Variants in WWOX observed in about 807,000 individuals in gnomAD.
WWOX encodes the protein WW domain-containing oxidoreductase.
WWOX carries 69 observed loss-of-function variants against 46.2 expected under a neutral mutation model. The observed-to-expected ratio is 1.49, with a 90% CI of 1.23 to 1.82. The LOEUF is 1.82. Among genes scored for constraint, WWOX ranks in the 40% most tolerant of loss-of-function variants. WWOX has a pLI of 0.00. For synonymous variants in WWOX, 359 were observed against 202.6 expected (o/e 1.77, Z -6.56); for missense variants, 919 against 542.6 (o/e 1.69, Z -6.89).
chr16:78,628,130 G>A lies in WWOX; in HGVS notation c.1056+195378G>A, dbSNP rs188001048. 5.2e-3 allele frequency among the ~76,000 whole-genome samples: 794 copies of A among 152,298 alleles called. 2 individuals carry two copies. Among genetic ancestry groups the A allele is most frequent in the Non-Finnish European group, 6.2e-3 (419 of 68,034 alleles). On this transcript the variant is annotated intron_variant, in intron 8 of 8. Coordinates refer to ENST00000566780, the MANE Select transcript of WWOX (RefSeq NM_016373.4). ...CAGTGGAATGAACCTTCACACCGAGGATCTGCTTCCTTTGTTGGAGGTGGG... is the reference window on the plus strand; with the variant it reads ...CAGTGGAATGAACCTTCACACCGAGAATCTGCTTCCTTTGTTGGAGGTGGG...
chr16:78,903,484 A>G (rs1225647363), intron 8 of WWOX, among the ~76,000 whole-genome samples: 1 of 152,220 alleles, frequency 6.6e-6, no homozygotes, highest in African/African-American at 2.4e-5. Context: ...ATTGGTTGCA[A>G]AAAGCAAAAC....
intron 8 of WWOX, among the ~76,000 whole-genome samples, chr16:79,017,678 C>G (rs945866637): frequency 2.0e-5 from 3 of 151,764 alleles, no homozygotes; most frequent in Non-Finnish European, 2.9e-5. Context: ...AATTTGAATT[C>G]CATATGTCAT....
chr16:78,193,771 G>A (rs1232438482), intron 5 of WWOX, among the ~76,000 whole-genome samples: 26 of 151,808 alleles, frequency 1.7e-4, no homozygotes, highest in Non-Finnish European at 1.5e-5. Flanking sequence ...TTGTTGGAGG[G>A]TGGATGAGAG....
intron 8 of WWOX, among the ~76,000 whole-genome samples, chr16:78,500,709 G>T (rs573703438): frequency 6.6e-6 from 1 of 152,168 alleles, no homozygotes; most frequent in Admixed American, 6.5e-5. Flanking sequence ...TCGGGAACAC[G>T]TGTGTGTTTG....
chr16:78,793,793 T>C (rs1007985567), intron 8 of WWOX, among the ~76,000 whole-genome samples: 1 of 152,064 alleles, frequency 6.6e-6, no homozygotes, highest in African/African-American at 2.4e-5. Flanking sequence ...TGAAAATTTT[T>C]GGCTGGGCAA....
chr16:78,811,651 A>G (rs886779130), intron 8 of WWOX, among the ~76,000 whole-genome samples: 1 of 152,070 alleles, frequency 6.6e-6, no homozygotes, highest in African/African-American at 2.4e-5. Context: ...GATTACAGGC[A>G]TGAGCCATCA....
In WWOX at chr16:79,211,870, C is replaced by T; in HGVS notation, c.*74C>T. ...CTCACGCAAGTGCCAGGGCTGGGCCCCTTCCAAATGTCCCTCCAACACAGA... is the reference window on the plus strand; with the variant it reads ...CTCACGCAAGTGCCAGGGCTGGGCCTCTTCCAAATGTCCCTCCAACACAGA... On this transcript the variant is annotated 3_prime_UTR_variant, in exon 9 of 9. Coordinates refer to ENST00000566780, the MANE Select transcript of WWOX (RefSeq NM_016373.4). The T allele has an allele frequency of 1.3e-6, 2 of 1,594,402 alleles. No homozygotes were observed. Among genetic ancestry groups the T allele is most frequent in the Non-Finnish European group, 1.7e-6 (2 of 1,172,008 alleles).
intron 8 of WWOX, among the ~76,000 whole-genome samples, chr16:79,201,175 A>C (rs1336756187): frequency 2.0e-5 from 3 of 152,056 alleles, no homozygotes; most frequent in Non-Finnish European, 4.4e-5. Flanking sequence ...GGATTTTCCT[A>C]CCATCCCATA....
At chr16:79,177,142 T>A (rs2050815939) in intron 8 of WWOX, among the ~76,000 whole-genome samples, 1 of 152,202 alleles carries the variant, frequency 6.6e-6, no homozygotes, top group Admixed American at 6.5e-5. Flanking sequence ...GTTTTCCCCT[T>A]CGCTGCCTCC....
intron 5 of WWOX, among the ~76,000 whole-genome samples, chr16:78,326,743 A>C (rs184128051): frequency 1.4e-4 from 21 of 152,162 alleles, no homozygotes; most frequent in Admixed American, 1.2e-3. Flanking sequence ...ACATGGACTT[A>C]ATTGTTTCAT....
At chr16:78,645,261 A>G (rs1294437133) in intron 8 of WWOX, among the ~76,000 whole-genome samples, 2 of 152,020 alleles carry the variant, frequency 1.3e-5, no homozygotes, top group East Asian at 1.9e-4. Flanking sequence ...GTCAGTATAA[A>G]TGCTCCTTTC....
chr16:78,194,097 C>A (rs1415643422), intron 5 of WWOX, among the ~76,000 whole-genome samples: 1 of 151,548 alleles, frequency 6.6e-6, no homozygotes, highest in Non-Finnish European at 1.5e-5. Context: ...CCGGGATGGT[C>A]TCGATCTCCT....
chr16:78,406,324 A>G (rs1567553362), intron 6 of WWOX, among the ~76,000 whole-genome samples: 1 of 79,890 alleles, frequency 1.3e-5, no homozygotes, highest in African/African-American at 1.5e-4. Context: ...ATATATATAT[A>G]TATATATATA....
intron 8 of WWOX, among the ~76,000 whole-genome samples, chr16:78,729,837 G>T (rs137941714): frequency 1.2e-4 from 18 of 152,172 alleles, no homozygotes; most frequent in African/African-American, 4.3e-4. Context: ...CTGCTATGCA[G>T]TGCTTTCTTC....
At chr16:78,465,408 A>T (rs1187809894) in intron 8 of WWOX, among the ~76,000 whole-genome samples, 4 of 152,150 alleles carry the variant, frequency 2.6e-5, no homozygotes, top group Admixed American at 6.5e-5. Context: ...TCCAACTCCT[A>T]AGCTCAAGCA....
chr16:78,833,965 T>G (rs1172074729), intron 8 of WWOX, among the ~76,000 whole-genome samples: 1 of 152,256 alleles, frequency 6.6e-6, no homozygotes, highest in Non-Finnish European at 1.5e-5. Flanking sequence ...CCCTTTGGCT[T>G]CAGCCTCATT....
At chr16:78,156,952 A>G (rs938233467) in intron 4 of WWOX, among the ~76,000 whole-genome samples, 14 of 152,188 alleles carry the variant, frequency 9.2e-5, no homozygotes, top group African/African-American at 2.2e-4. Context: ...CAGTCAATCA[A>G]TCAAGTTCTG....
chr16:79,021,232 C>G (rs535790204), intron 8 of WWOX, among the ~76,000 whole-genome samples: 14 of 152,230 alleles, frequency 9.2e-5, no homozygotes, highest in Non-Finnish European at 1.5e-4. Flanking sequence ...GTCACTTTGC[C>G]TTCATTTGTT....
chr16:78,102,171 G>T (rs777217207), intron 1 of WWOX, among the ~76,000 whole-genome samples: 1 of 152,112 alleles, frequency 6.6e-6, no homozygotes, highest in South Asian at 2.1e-4. Context: ...CCTCCCTCCC[G>T]AAGCACTGGA....
Sources: gnomAD v4.1 joint callset for allele counts (sites outside exome capture counted in the v4.1 genomes callset) on GRCh38, gnomAD v4.1.1 for gene constraint, MANE v1.5 for transcripts, NCBI Gene and HGNC (gene_info 2026-07-23, HGNC 2026-07-21) for gene names.